ANKRD18B: variants seen among roughly 807,000 people sequenced by gnomAD.
ANKRD18B encodes ankyrin repeat domain-containing protein 18B.
In ANKRD18B, 75 loss-of-function variants were observed where a neutral mutation model predicts 111.8. That is an observed-to-expected ratio of 0.67 (90% CI 0.56 to 0.81). The LOEUF (loss-of-function observed/expected upper bound fraction) is 0.81, where lower values mean the gene tolerates loss of function less well. Among genes scored for constraint, ANKRD18B ranks in the 40% least tolerant of loss-of-function variants. The pLI, the probability that ANKRD18B is intolerant of heterozygous loss-of-function variation, is 0.00. For synonymous variants in ANKRD18B, 356 were observed against 417.3 expected (o/e 0.85, Z 1.79); for missense variants, 1,038 against 1,225.5 (o/e 0.85, Z 2.28).
chr9:33,534,622 T>A lies in ANKRD18B; in HGVS notation c.740+115T>A, dbSNP rs1175483152. The A allele has an allele frequency of 7.4e-6, 10 of 1,343,480 alleles. No homozygotes were observed. In the African/African-American group the frequency reaches 7.4e-5, roughly 10 times the overall value. The allele number at this position is 1,343,480 out of a possible 1,614,324, so 83.2% of individuals were successfully genotyped here. ...ATAGTTTGGTTGAGGTAGTTTGGAA[T>A]GGCAACAAGTTAGTCCACTTCTTAG... is the stretch of plus-strand genomic sequence containing the variant. On this transcript the variant is annotated intron_variant, in intron 5 of 18. Transcript: ENST00000684830.
chr9:33,525,492 A>C (rs1376495462), intron 1 of ANKRD18B, among the ~76,000 whole-genome samples: 1 of 152,148 alleles, frequency 6.6e-6, no homozygotes, highest in African/African-American at 2.4e-5. Context: ...AACTAATGAA[A>C]TTTTATGTCA....
Position 33,529,022 on chromosome 9 carries a change from C to T in ANKRD18B, c.344C>T (p.Ala115Val). Residue 115 changes from alanine (A) to valine (V), a missense_variant, in exon 3 of 19, where the codon GCT (alanine) becomes GTT (valine). Coordinates refer to ENST00000684830, the MANE Select transcript of ANKRD18B (RefSeq NM_001393611.1). Reference protein sequence around the residue: ...LMKAVHCQEEACAIILLKRGA... With the variant: ...LMKAVHCQEEVCAIILLKRGA... ...TAGGCTGTACACTGCCAGGAAGAGG[C>T]TTGTGCCATTATTCTCCTGAAACGT... The T allele has an allele frequency of 1.2e-6, 2 of 1,612,488 alleles. No homozygotes were observed. Among genetic ancestry groups the T allele is most frequent in the Non-Finnish European group, 1.7e-6 (2 of 1,179,876 alleles).
chr9:33,539,094 A>G (rs1828242350), intron 6 of ANKRD18B, among the ~76,000 whole-genome samples: 1 of 152,202 alleles, frequency 6.6e-6, no homozygotes, highest in Admixed American at 6.5e-5. Context: ...TGTCCACTTA[A>G]ATAATAACTA....
At chr9:33,544,360 G>T (rs1828325240) in intron 10 of ANKRD18B, among the ~76,000 whole-genome samples, 1 of 151,908 alleles carries the variant, frequency 6.6e-6, no homozygotes, top group Admixed American at 6.6e-5. Flanking sequence ...TTTTTTCTTT[G>T]TTCATACTTA....
In ANKRD18B at chr9:33,566,209, A is replaced by G; in HGVS notation, c.2461-10A>G. ...CTTCATTATCAAGCTCTATTATTTT[A>G]TTAATGCAGTTTGATGATCTTATGG... On this transcript the variant is annotated splice_polypyrimidine_tract_variant and intron_variant, in intron 14 of 18. Coordinates refer to ENST00000684830, the MANE Select transcript of ANKRD18B (RefSeq NM_001393611.1). 9 of 1,543,772 alleles carry G rather than the reference A, an allele frequency of 5.8e-6. No homozygotes were observed. Among genetic ancestry groups the G allele is most frequent in the South Asian group, 1.2e-5 (1 of 81,772 alleles).
intron 10 of ANKRD18B, among the ~76,000 whole-genome samples, chr9:33,545,421 C>T (rs1828339407): frequency 6.6e-6 from 1 of 152,224 alleles, no homozygotes; most frequent in Non-Finnish European, 1.5e-5. Flanking sequence ...GGTTTGCTCA[C>T]TCCAAAGAAT....
chr9:33,538,006 G>C (rs1044921550), intron 6 of ANKRD18B, among the ~76,000 whole-genome samples: 1 of 152,156 alleles, frequency 6.6e-6, no homozygotes, highest in Non-Finnish European at 1.5e-5. Flanking sequence ...TGGTTTTGCT[G>C]TCTCTGGGTT....
At position 33,555,753 on chromosome 9, in the gene ANKRD18B, T is replaced by C; in HGVS notation, c.2263T>C (p.Ser755Pro). The C allele has an allele frequency of 1.4e-6, 2 of 1,422,964 alleles. No individual in the cohort carries two copies. The highest frequency in any genetic ancestry group is 1.8e-6 in the Non-Finnish European group (2 of 1,089,442). 88.1% of individuals were successfully genotyped at this position (1,422,964 alleles called of 1,614,324 possible). The change falls in exon 13 of 19, where the codon TCA becomes CCA. Residue 755 changes from serine (S) to proline (P), a missense_variant. Physicochemically the swap from Ser to Pro is moderately conservative, Grantham distance 74. Around this residue, in one of 4 missense-constraint regions of ANKRD18B, gnomAD observed 524 missense variants for 677.9 expected, o/e 0.77. Transcript: ENST00000684830. ...ATTCAGAAAAGTTTTTGAATTAATA[T>C]CATTACTGAACTATACTGCGGATCA... is the stretch of plus-strand genomic sequence containing the variant. ...EEFRKVFELI[S>P]LLNYTADQIR...
At position 33,558,203 on chromosome 9, in the gene ANKRD18B, A is replaced by G. The variant is rs781343312; in HGVS notation, c.2460+16A>G. On this transcript the variant is annotated intron_variant, in intron 14 of 18. Coordinates refer to ENST00000684830, the MANE Select transcript of ANKRD18B (RefSeq NM_001393611.1). The stretch of plus-strand genomic sequence containing the variant: ...AAAACAGAAGGTAATTTAAAAAATT[A>G]TTATTTTATCTTAAGGTCTAGATTA... 2 of 1,595,434 alleles carry G rather than the reference A, an allele frequency of 1.3e-6. No homozygotes were observed. The highest frequency in any genetic ancestry group is 1.7e-6 in the Non-Finnish European group (2 of 1,171,454).
At chr9:33,537,525 A>G (rs1439927245) in intron 6 of ANKRD18B, among the ~76,000 whole-genome samples, 1 of 152,176 alleles carries the variant, frequency 6.6e-6, no homozygotes, top group African/African-American at 2.4e-5. Context: ...TAAATAAGAA[A>G]TTAGTTTAAG....
rs779564791 is a variant in ANKRD18B, at chr9:33,529,025, G to C, written c.347G>C (p.Cys116Ser). The C allele has an allele frequency of 5.6e-6, 9 of 1,610,328 alleles. No individual in the cohort carries two copies. Among genetic ancestry groups the C allele is most frequent in the African/African-American group, 4.0e-5 (3 of 74,954 alleles). ...GCTGTACACTGCCAGGAAGAGGCTT[G>C]TGCCATTATTCTCCTGAAACGTGGC... ...MKAVHCQEEA[C>S]AIILLKRGAN... Residue 116 changes from cysteine to serine, a missense_variant, in exon 3 of 19, where the codon TGT becomes TCT. Transcript: ENST00000684830.
intron 3 of ANKRD18B, among the ~76,000 whole-genome samples, chr9:33,530,647 G>GTTGGCATT (rs1828100736): frequency 6.6e-6 from 1 of 151,774 alleles, no homozygotes; most frequent in Non-Finnish European, 1.5e-5. Flanking sequence ...CTCTAAAAGA[G>GTTGGCATT]TTGGCATTTG....
At chr9:33,547,900 T>C (rs1410242823) in intron 10 of ANKRD18B, 38 bp from the exon 11 acceptor site, 1 of 1,306,918 alleles carries the variant, frequency 7.7e-7, no homozygotes, top group Non-Finnish European at 1.0e-6. Flanking sequence ...CATAGATTAT[T>C]TTGAGTGCTA....
intron 10 of ANKRD18B, among the ~76,000 whole-genome samples, chr9:33,544,226 T>C (rs1587264871): frequency 1.3e-5 from 2 of 152,230 alleles, no homozygotes; most frequent in African/African-American, 2.4e-5. Context: ...TTAAGCTTCC[T>C]GGTTCACGTT....
intron 13 of ANKRD18B, among the ~76,000 whole-genome samples, chr9:33,556,892 G>C (rs1828535270): frequency 6.6e-6 from 1 of 151,908 alleles, no homozygotes; most frequent in African/African-American, 2.4e-5. Context: ...TTAAACTTCT[G>C]TTTTACAGAA....
At chr9:33,570,331 T>G (rs927293252) in intron 17 of ANKRD18B, among the ~76,000 whole-genome samples, 1 of 152,158 alleles carries the variant, frequency 6.6e-6, no homozygotes, top group Non-Finnish European at 1.5e-5. Context: ...GTTGAAAAAC[T>G]GCTTCTTGGG....
chr9:33,528,046 T>C (rs1384764211), intron 1 of ANKRD18B, among the ~76,000 whole-genome samples: 1 of 152,226 alleles, frequency 6.6e-6, no homozygotes, highest in East Asian at 1.9e-4. Flanking sequence ...CACCTGTCAT[T>C]CTAGAACTTT....
intron 16 of ANKRD18B, 71 bp from the exon 17 acceptor site, chr9:33,568,600 A>G: frequency 7.2e-7 from 1 of 1,384,208 alleles, no homozygotes; most frequent in Non-Finnish European, 9.5e-7. Context: ...AACTGTTTAA[A>G]AAATGCAAGT....
chr9:33,569,772 G>A (rs368621238), intron 17 of ANKRD18B, among the ~76,000 whole-genome samples: 5 of 152,010 alleles, frequency 3.3e-5, no homozygotes, highest in South Asian at 2.1e-4. Flanking sequence ...GGTGGCTCAC[G>A]CCTGTAATCC....
Sources: allele counts gnomAD v4.1 joint callset (sites outside exome capture counted in the v4.1 genomes callset), GRCh38; gene constraint gnomAD v4.1.1; regional missense constraint gnomAD v4.1.1; transcripts MANE v1.5; gene names NCBI Gene and HGNC (gene_info 2026-07-23, HGNC 2026-07-21).